The following CHODL variants were observed in gnomAD, a reference collection of about 807,000 sequenced individuals.
CHODL encodes the protein transmembrane protein MT75.
In CHODL, 29 loss-of-function variants were observed where a neutral mutation model predicts 34.5. The ratio of observed to expected loss-of-function variants is 0.84; its 90% CI spans 0.63 to 1.15. CHODL has a LOEUF of 1.15. Ranked by LOEUF, CHODL falls within the 50% of genes most tolerant of loss-of-function variation. CHODL has a pLI of 0.00. For missense variants in CHODL, 332 were observed against 332.5 expected, an observed-to-expected ratio of 1.00 and a Z score of 0.01; for synonymous variants, 125 against 116.1, an observed-to-expected ratio of 1.08 and a Z score of -0.49.
intron 2 of CHODL, among the ~76,000 whole-genome samples, chr21:18,194,374 C>G (rs759147493): frequency 2.6e-5 from 4 of 152,168 alleles, no homozygotes; most frequent in East Asian, 1.9e-4. Context: ...GGTCTCCATG[C>G]TTCAGCCCCC....
At position 18,266,945 on chromosome 21, in the gene CHODL, C is replaced by G. The variant is rs913139411; in HGVS notation, c.*907C>G. 6.6e-6 allele frequency: 1 copy of G among 152,264 alleles called. No individual in the cohort carries two copies. The highest frequency in any genetic ancestry group is 1.5e-5 in the Non-Finnish European group (1 of 68,056). 9.4% of individuals were successfully genotyped at this position (152,264 alleles called of 1,614,324 possible). The stretch of plus-strand genomic sequence containing the variant: ...GGGTTCTGAAATCAATGTGGTCCCT[C>G]TCTTGCCCACTAAACAAAGATGGTT... On this transcript the variant is annotated 3_prime_UTR_variant, in exon 6 of 6. Transcript: ENST00000299295.
chr21:18,208,488 T>A (rs2073738068), intron 2 of CHODL, among the ~76,000 whole-genome samples: 2 of 152,110 alleles, frequency 1.3e-5, no homozygotes, highest in South Asian at 4.2e-4. Context: ...GTCCCTTATG[T>A]CTTATTTAGT....
chr21:18,196,576 C>T (rs893007222), intron 2 of CHODL, among the ~76,000 whole-genome samples: 1 of 152,106 alleles, frequency 6.6e-6, no homozygotes, highest in African/African-American at 2.4e-5. Flanking sequence ...GAATCCATTT[C>T]GGAAAGTAGA....
intron 2 of CHODL, chr21:18,034,503 A>C (rs2064286749): frequency 6.6e-6 from 1 of 152,068 alleles, no homozygotes; most frequent in African/African-American, 2.4e-5. Flanking sequence ...AATAGGAAGG[A>C]AAGAAGCATA....
intron 2 of CHODL, among the ~76,000 whole-genome samples, chr21:18,162,261 G>A (rs1042055644): frequency 2.6e-5 from 4 of 152,006 alleles, no homozygotes; most frequent in Admixed American, 2.6e-4. Context: ...CAACATCAAG[G>A]TGTTAGCAGA....
At chr21:18,048,280 C>G (rs770926645) in intron 2 of CHODL, among the ~76,000 whole-genome samples, 3 of 151,826 alleles carry the variant, frequency 2.0e-5, no homozygotes, top group Non-Finnish European at 4.4e-5. Context: ...TTCAATGTTT[C>G]TTGGTGTCTC....
intron 2 of CHODL, among the ~76,000 whole-genome samples, chr21:18,198,217 A>G (rs73202958): frequency 0.044 from 6,624 of 152,266 alleles, 174 homozygotes; most frequent in Non-Finnish European, 0.06. Flanking sequence ...CTAGGTAGAT[A>G]CAATAGTTTA....
chr21:18,187,776 T>C (rs1437989677), intron 2 of CHODL, among the ~76,000 whole-genome samples: 1 of 152,214 alleles, frequency 6.6e-6, no homozygotes, highest in Non-Finnish European at 1.5e-5. Flanking sequence ...GCTGCCCTTT[T>C]ATCATTGGTT....
At chr21:18,188,858 G>A (rs2073476992) in intron 2 of CHODL, among the ~76,000 whole-genome samples, 1 of 152,214 alleles carries the variant, frequency 6.6e-6, no homozygotes, top group Non-Finnish European at 1.5e-5. Context: ...CGTGTTCAGA[G>A]AGATAAAGAA....
intron 2 of CHODL, among the ~76,000 whole-genome samples, chr21:18,145,953 G>T (rs982887088): frequency 6.7e-6 from 1 of 150,302 alleles, no homozygotes; most frequent in African/African-American, 2.5e-5. Context: ...TTATTTTTTG[G>T]TTTTGTTTTT....
At chr21:18,028,439 G>A (rs958864964) in intron 2 of CHODL, among the ~76,000 whole-genome samples, 8 of 151,846 alleles carry the variant, frequency 5.3e-5, no homozygotes, top group African/African-American at 1.2e-4. Flanking sequence ...GCTCACGCCT[G>A]TAATCCCAGC....
chr21:18,123,178 C>T (rs570906935), intron 2 of CHODL, among the ~76,000 whole-genome samples: 3 of 152,322 alleles, frequency 2.0e-5, no homozygotes, highest in African/African-American at 7.2e-5. Context: ...TCAGATGTTC[C>T]TATCCTCAGG....
At chr21:18,048,248 G>A (rs2064469617) in intron 2 of CHODL, among the ~76,000 whole-genome samples, 1 of 151,906 alleles carries the variant, frequency 6.6e-6, no homozygotes, top group Non-Finnish European at 1.5e-5. Context: ...AAAACTTAAA[G>A]TAGAAGAAGT....
At chr21:18,225,810 A>G (rs564182333) in intron 2 of CHODL, among the ~76,000 whole-genome samples, 1 of 152,158 alleles carries the variant, frequency 6.6e-6, no homozygotes, top group Non-Finnish European at 1.5e-5. Context: ...CCAGACACAT[A>G]ACAGTAAATA....
intron 1 of CHODL, among the ~76,000 whole-genome samples, chr21:18,027,211 C>T (rs1452626601): frequency 1.3e-5 from 2 of 152,090 alleles, no homozygotes; most frequent in Non-Finnish European, 2.9e-5. Context: ...GAATTTGAGG[C>T]TGCAGTGAGC....
chr21:18,103,444 A>G (rs2065238728), intron 2 of CHODL, among the ~76,000 whole-genome samples: 1 of 152,208 alleles, frequency 6.6e-6, no homozygotes, highest in Admixed American at 6.5e-5. Flanking sequence ...TTTTGATTAT[A>G]TACTGCCAAA....
intron 2 of CHODL, among the ~76,000 whole-genome samples, chr21:18,235,851 A>G (rs1176568857): frequency 6.6e-6 from 1 of 152,158 alleles, no homozygotes; most frequent in Non-Finnish European, 1.5e-5. Flanking sequence ...ATTCTTATAA[A>G]TCCAGGGAGG....
chr21:17,955,516 G>C lies in CHODL; in HGVS notation c.-145+38116G>C, dbSNP rs553548611. On this transcript the variant is annotated intron_variant, in intron 1 of 6. Coordinates refer to the CHODL transcript ENST00000400127. Reference sequence around the variant, plus strand: ...TTGGAAACACCTTTAGTTTTCAGGAGAGTCCTAGGAATATTCAATTAAAAT... The same window carrying C: ...TTGGAAACACCTTTAGTTTTCAGGACAGTCCTAGGAATATTCAATTAAAAT... Among the ~76,000 whole-genome samples the C allele has an allele frequency of 3.7e-5, 5 of 136,490 alleles. 2 individuals are homozygous for C. In the South Asian group the frequency reaches 1.4e-3, roughly 38 times the overall value. The allele number at this position is 136,490 out of a possible 152,430, so 89.5% of individuals were successfully genotyped here. A position where few individuals can be genotyped will look rare whatever the true frequency, so the allele number is the denominator to read the frequency against.
intron 2 of CHODL, among the ~76,000 whole-genome samples, chr21:18,181,678 C>T (rs1023664415): frequency 6.6e-6 from 1 of 152,224 alleles, no homozygotes; most frequent in Admixed American, 6.5e-5. Flanking sequence ...GCGTGAGCCA[C>T]CGCGCCCAGC....
Sources: allele counts gnomAD v4.1 joint callset (sites outside exome capture counted in the v4.1 genomes callset), GRCh38; gene constraint gnomAD v4.1.1; transcripts MANE v1.5; gene names NCBI Gene and HGNC (gene_info 2026-07-23, HGNC 2026-07-21).